The following ZNF334 variants were observed in gnomAD, a reference collection of about 807,000 sequenced individuals.
ZNF334 encodes zinc finger protein 334.
Under a neutral mutation model 12.4 loss-of-function variants are expected in ZNF334, and 14 were observed. That is an observed-to-expected ratio of 1.13 (90% CI 0.74 to 1.76). The LOEUF (loss-of-function observed/expected upper bound fraction) is 1.76. Among genes scored for constraint, ZNF334 ranks in the 40% most tolerant of loss-of-function variants. The pLI, the probability that ZNF334 is intolerant of heterozygous loss-of-function variation, is 0.00. For missense variants in ZNF334, 797 were observed against 804.5 expected, an observed-to-expected ratio of 0.99 and a Z score of 0.11; for synonymous variants, 273 against 269.6, an observed-to-expected ratio of 1.01 and a Z score of -0.12.
At chr20:46,507,742 C>T (rs1384894680) in intron 2 of ZNF334, among the ~76,000 whole-genome samples, 1 of 152,184 alleles carries the variant, frequency 6.6e-6, no homozygotes, top group Non-Finnish European at 1.5e-5. Context: ...TTTCTACTGA[C>T]AAATTTTATT....
At chr20:46,503,268 C>A (rs1018112561) in intron 4 of ZNF334, among the ~76,000 whole-genome samples, 171 bp from the exon 5 acceptor site, 2 of 152,028 alleles carry the variant, frequency 1.3e-5, no homozygotes, top group African/African-American at 4.8e-5. Flanking sequence ...TGAAGAAATA[C>A]AGAAACAAAA....
At chr20:46,504,834 G>A in intron 2 of ZNF334, 94 bp from the exon 3 acceptor site, 2 of 1,155,818 alleles carry the variant, frequency 1.7e-6, no homozygotes, top group South Asian at 1.7e-5. Flanking sequence ...CATGGCTAAT[G>A]GAAAGCTATA....
chr20:46,472,515 A>G, the ZNF334 span, among the ~76,000 whole-genome samples: 2 of 152,220 alleles, frequency 1.3e-5, no homozygotes, highest in Non-Finnish European at 2.9e-5. Context: ...GAAAGCCAGA[A>G]AAATAGCCAT....
intron 2 of ZNF334, 76 bp downstream of exon 2, chr20:46,512,006 C>T (rs1601082312): frequency 1.8e-5 from 26 of 1,425,014 alleles, no homozygotes; most frequent in East Asian, 1.4e-4. Flanking sequence ...TTATACATTT[C>T]GTTTCATCTG....
At position 46,499,919 on chromosome 20, in the gene ZNF334, C is replaced by A. The variant is rs112756615; in HGVS notation, c.*1377G>T. Reference sequence around the variant, plus strand: ...TCTGAAGGGCCCCAAATAAATAGCACAATTTCCCCCCATCTAAACGATAAA... The same window carrying A: ...TCTGAAGGGCCCCAAATAAATAGCAAAATTTCCCCCCATCTAAACGATAAA... On this transcript the variant is annotated 3_prime_UTR_variant, in exon 5 of 5. Transcript: ENST00000692313. The A allele has an allele frequency of 9.9e-5, 15 of 152,278 alleles. No homozygotes were observed. The highest frequency in any genetic ancestry group is 3.4e-4 in the African/African-American group (14 of 41,564). 9.4% of individuals were successfully genotyped at this position (152,278 alleles called of 1,614,324 possible). A position where few individuals can be genotyped will look rare whatever the true frequency, so the allele number is the denominator to read the frequency against.
chr20:46,488,422 TA>T, the ZNF334 span, among the ~76,000 whole-genome samples: 102 of 118,624 alleles, frequency 8.6e-4, 5 homozygotes, highest in African/African-American at 3.0e-3. Context: ...TCTTATTTTA[TA>T]TATATATATA....
the ZNF334 span, among the ~76,000 whole-genome samples, chr20:46,487,357 C>T: frequency 6.6e-6 from 1 of 152,202 alleles, no homozygotes; most frequent in Non-Finnish European, 1.5e-5. Flanking sequence ...TCCTCACTGA[C>T]TTATGATGCC....
At chr20:46,474,804 T>C in the ZNF334 span, 1 of 152,384 alleles carries the variant, frequency 6.6e-6, no homozygotes, top group African/African-American at 2.4e-5. Context: ...TATTGCTCTT[T>C]GGGGGCAAAT....
At chr20:46,511,674 T>C (rs574910696) in intron 2 of ZNF334, among the ~76,000 whole-genome samples, 1 of 152,356 alleles carries the variant, frequency 6.6e-6, no homozygotes, top group East Asian at 1.9e-4. Context: ...ACCATCAGAA[T>C]GCTGCCTGTT....
rs2061365851 is a variant in ZNF334, at chr20:46,504,603, A to T, written c.148+11T>A. 3 of 1,586,020 alleles carry T rather than the reference A, an allele frequency of 1.9e-6. No homozygotes were observed. The stretch of plus-strand genomic sequence containing the variant: ...ATGCTCTTGGGAGTTGTACAGGGAA[A>T]TAGTCCTTACCCACAGAGACCAAGT... On this transcript the variant is annotated intron_variant, in intron 3 of 4. Coordinates refer to ENST00000692313, the MANE Select transcript of ZNF334 (RefSeq NM_001353824.2).
At chr20:46,495,415 G>A (rs1246035279), downstream of ZNF334, among the ~76,000 whole-genome samples, 2 of 151,042 alleles carry the variant, frequency 1.3e-5, no homozygotes, top group East Asian at 3.9e-4. Flanking sequence ...CAAGACAACT[G>A]GCTGTTGAAT....
chr20:46,489,419 A>G, the ZNF334 span, among the ~76,000 whole-genome samples: 170 of 152,240 alleles, frequency 1.1e-3, no homozygotes, highest in African/African-American at 4.0e-3. Flanking sequence ...CTGTAACCCC[A>G]CCACTTTGGG....
intron 2 of ZNF334, among the ~76,000 whole-genome samples, chr20:46,510,017 C>T (rs774317356): frequency 1.2e-4 from 18 of 152,254 alleles, no homozygotes; most frequent in Middle Eastern, 3.4e-3. Flanking sequence ...TCTAGCATAG[C>T]GTATCACACA....
At chr20:46,467,209 A>T in the ZNF334 span, among the ~76,000 whole-genome samples, 1 of 152,196 alleles carries the variant, frequency 6.6e-6, no homozygotes, top group Non-Finnish European at 1.5e-5. Context: ...AAAATATACA[A>T]TGTAGGGATA....
the ZNF334 span, among the ~76,000 whole-genome samples, chr20:46,474,210 T>TA: frequency 6.6e-6 from 1 of 151,960 alleles, no homozygotes; most frequent in African/African-American, 2.4e-5. Context: ...CCGTCTCTAC[T>TA]AAAAATACAA....
chr20:46,504,470 A>G, intron 3 of ZNF334, 144 bp downstream of exon 3: 1 of 1,196,114 alleles, frequency 8.4e-7, no homozygotes, highest in South Asian at 1.5e-5. Context: ...CAGTGAATAC[A>G]TACACAAACT....
At chr20:46,464,321 C>T in the ZNF334 span, 187 of 546,416 alleles carry the variant, frequency 3.4e-4, 3 homozygotes, top group South Asian at 2.5e-3. Flanking sequence ...AGATGTGATC[C>T]GGCATTCTGG....
chr20:46,510,996 T>A (rs956273150), intron 2 of ZNF334, among the ~76,000 whole-genome samples: 3 of 151,506 alleles, frequency 2.0e-5, no homozygotes, highest in African/African-American at 7.3e-5. Flanking sequence ...GACTCACAAG[T>A]TAAAACCACA....
rs1480638644 is a variant in ZNF334, at chr20:46,504,655, C to T, written c.107G>A (p.Arg36Lys). 6.2e-6 allele frequency: 10 copies of T among 1,611,938 alleles called. No homozygotes were observed. In the South Asian group the frequency reaches 9.9e-5, roughly 16 times the overall value. ...QLDPAQRLLY[R>K]DVMLENYSNL... ...GCTGTAGTTCTCCAGCATCACATCCCTGTACAGGAGCCTCTGAGCAGGGTC... is the reference window on the plus strand; with the variant it reads ...GCTGTAGTTCTCCAGCATCACATCCTTGTACAGGAGCCTCTGAGCAGGGTC... Residue 36 changes from arginine to lysine, a missense_variant, in exon 3 of 5, where the codon AGG (arginine) becomes AAG (lysine). Physicochemically the swap from Arg to Lys is conservative, Grantham distance 26 (BLOSUM62 2). Transcript: ENST00000692313.
Sources: allele counts gnomAD v4.1 joint callset (sites outside exome capture counted in the v4.1 genomes callset), GRCh38; gene constraint gnomAD v4.1.1; transcripts MANE v1.5; gene names NCBI Gene and HGNC (gene_info 2026-07-23, HGNC 2026-07-21).